The following MLLT1 variants were observed in gnomAD, a reference collection of about 807,000 sequenced individuals.
MLLT1 encodes the protein MLLT1 super elongation complex subunit.
In MLLT1, 11 loss-of-function variants were observed where a neutral mutation model predicts 55.1. The observed-to-expected ratio is 0.20, with a 90% CI of 0.13 to 0.33. The LOEUF (loss-of-function observed/expected upper bound fraction) is 0.33. Ranked by LOEUF, MLLT1 falls within the 10% of genes least tolerant of loss-of-function variation. MLLT1 has a pLI of 1.00. For synonymous variants in MLLT1, 323 were observed against 320.1 expected, an observed-to-expected ratio of 1.01 and a Z score of -0.10; for missense variants, 536 against 760.6, an observed-to-expected ratio of 0.70 and a Z score of 3.47.
At position 6,269,257 on chromosome 19, in the gene MLLT1, G is replaced by A. The variant is rs564275443; in HGVS notation, c.193+1322C>T. Among the ~76,000 whole-genome samples the A allele has an allele frequency of 5.9e-5, 9 of 152,364 alleles. No homozygotes were observed. The East Asian group carries it at 9.7e-4, about 16-fold the overall frequency. On this transcript the variant is annotated intron_variant, in intron 2 of 11. Coordinates refer to ENST00000252674, the MANE Select transcript of MLLT1 (RefSeq NM_005934.4). ...CCACCCTGCTCTAAGCACAGGTAGC[G>A]GCCTGCCCCCTGGACCCGTCTCCCC...
intron 7 of MLLT1, among the ~76,000 whole-genome samples, chr19:6,217,595 G>A (rs973474885): frequency 4.6e-5 from 7 of 152,248 alleles, no homozygotes; most frequent in African/African-American, 1.2e-4. Flanking sequence ...TGGCCCTGGG[G>A]AGCGGGTGGG....
rs867264888 is a variant in MLLT1 at position 6,222,188 on chromosome 19, C to T, written c.1043G>A (p.Arg348Gln). ...CACCTCCAGGGCCTTTTTGGCCTCCCGGGGCTCACTCTCGGCCTTCACCTT... is the reference window on the plus strand; with the variant it reads ...CACCTCCAGGGCCTTTTTGGCCTCCTGGGGCTCACTCTCGGCCTTCACCTT... ...GEKVKAESEP[R>Q]EAKKALEVEE... Residue 348 changes from arginine (R) to glutamine (Q), a missense_variant, in exon 6 of 12, where the codon CGG becomes CAG. By Grantham distance (43) the Arg-to-Gln change is conservative (BLOSUM62 1). Coordinates refer to ENST00000252674, the MANE Select transcript of MLLT1 (RefSeq NM_005934.4). The surrounding 1 kb of genome is among the most constrained non-coding windows in gnomAD (Gnocchi z 4.1). 27 of 1,597,668 alleles carry T rather than the reference C, an allele frequency of 1.7e-5. No individual in the cohort carries two copies. The highest frequency in any genetic ancestry group is 2.7e-5 in the African/African-American group (2 of 74,190).
chr19:6,243,222 T>C (rs1600195875), intron 3 of MLLT1, among the ~76,000 whole-genome samples: 1 of 151,766 alleles, frequency 6.6e-6, no homozygotes, highest in Non-Finnish European at 1.5e-5. Context: ...AGCAGGGCCA[T>C]GCATGTCAGT....
At chr19:6,228,496 G>C (rs2090974826) in intron 4 of MLLT1, among the ~76,000 whole-genome samples, 1 of 144,204 alleles carries the variant, frequency 6.9e-6, no homozygotes, top group South Asian at 2.1e-4. Flanking sequence ...TCAGCCATGG[G>C]GGCAGAGACA....
chr19:6,232,528 T>C (rs777043557), intron 3 of MLLT1, among the ~76,000 whole-genome samples: 1 of 152,228 alleles, frequency 6.6e-6, no homozygotes. Flanking sequence ...CATTAGGCAA[T>C]TGTTTCTTAT....
At position 6,213,013 on chromosome 19, in the gene MLLT1, G is replaced by C. The variant is rs1317832849; in HGVS notation, c.*29C>G. On this transcript the variant is annotated 3_prime_UTR_variant, in exon 12 of 12. Coordinates refer to ENST00000252674, the MANE Select transcript of MLLT1 (RefSeq NM_005934.4). ...CTGGCTGCAGCCTCCCAGGACCCCG[G>C]CGGTGGGGGCCCGGCACGCGGCCCA... is the stretch of plus-strand genomic sequence containing the variant. 1.9e-6 allele frequency: 3 copies of C among 1,610,182 alleles called. No individual in the cohort carries two copies. Among genetic ancestry groups the C allele is most frequent in the Non-Finnish European group, 1.7e-6 (2 of 1,177,920 alleles).
In MLLT1 at chr19:6,212,083, G is replaced by A. The variant is rs2090778744; in HGVS notation, c.*959C>T. ...GCTCATATTTTTTTCAAAGTTTGAA[G>A]ACTTGAATGAAAGAGAGGAAGAGGA... On this transcript the variant is annotated 3_prime_UTR_variant, in exon 12 of 12. Coordinates refer to ENST00000252674, the MANE Select transcript of MLLT1 (RefSeq NM_005934.4). The A allele has an allele frequency of 9.4e-7, 1 of 1,066,168 alleles. No homozygotes were observed. The allele number at this position is 1,066,168 out of a possible 1,614,324, so 66.0% of individuals were successfully genotyped here.
At chr19:6,233,739 C>T (rs2091034031) in intron 3 of MLLT1, among the ~76,000 whole-genome samples, 1 of 152,216 alleles carries the variant, frequency 6.6e-6, no homozygotes, top group South Asian at 2.1e-4. Context: ...AAGACCAGCC[C>T]CTACAGGAAG....
Position 6,264,481 on chromosome 19 carries a change from C to T in MLLT1, c.194-2171G>A, listed in dbSNP as rs115651598. On this transcript the variant is annotated intron_variant, in intron 2 of 11. Coordinates refer to ENST00000252674, the MANE Select transcript of MLLT1 (RefSeq NM_005934.4). The stretch of plus-strand genomic sequence containing the variant: ...GAGCTCCCACCAGGAGGAAAGAGCC[C>T]GAGCAAACAAATAATTTGGAGACCA... Among the ~76,000 whole-genome samples, 1,332 of 149,932 alleles carry T rather than the reference C, an allele frequency of 8.9e-3. 22 individuals carry two copies. The highest frequency in any genetic ancestry group is 0.031 in the African/African-American group (1,274 of 40,698).
At chr19:6,251,262 C>G (rs570542444) in intron 3 of MLLT1, among the ~76,000 whole-genome samples, 1 of 152,276 alleles carries the variant, frequency 6.6e-6, no homozygotes, top group South Asian at 2.1e-4. Context: ...AATTTCACCT[C>G]CATTCTTAAA....
intron 6 of MLLT1, among the ~76,000 whole-genome samples, chr19:6,218,972 G>A (rs1600172500): frequency 6.6e-6 from 1 of 152,144 alleles, no homozygotes; most frequent in Admixed American, 6.5e-5. Flanking sequence ...CCTCCATCAG[G>A]AGGAGGCAGC....
At position 6,256,521 on chromosome 19, in the gene MLLT1, G is replaced by A. The variant is rs1210203998; in HGVS notation, c.276+5707C>T. Among the ~76,000 whole-genome samples the A allele has an allele frequency of 1.3e-5, 2 of 152,054 alleles. No individual in the cohort carries two copies. The highest frequency in any genetic ancestry group is 2.9e-5 in the Non-Finnish European group (2 of 68,010). On this transcript the variant is annotated intron_variant, in intron 3 of 11. Coordinates refer to ENST00000252674, the MANE Select transcript of MLLT1 (RefSeq NM_005934.4). This position sits in a 1 kb window ranked among gnomAD's most constrained non-coding sequence, Gnocchi z 4.1. ...TGTAATCTCAGCACTTTGGGAGGCCGAGGTGGGTGGATCATGAGGTCAGGA... is the reference window on the plus strand; with the variant it reads ...TGTAATCTCAGCACTTTGGGAGGCCAAGGTGGGTGGATCATGAGGTCAGGA...
chr19:6,279,615 G>A, intron 1 of MLLT1, among the ~76,000 whole-genome samples, 158 bp downstream of exon 1: 1 of 150,802 alleles, frequency 6.6e-6, no homozygotes. Context: ...TGGGGGAGGG[G>A]CGCCCCCGCC....
intron 3 of MLLT1, among the ~76,000 whole-genome samples, chr19:6,249,446 T>C (rs2144915257): frequency 6.6e-6 from 1 of 152,312 alleles, no homozygotes; most frequent in East Asian, 1.9e-4. Context: ...CTCATCTGAC[T>C]GGGCCAAGTG....
chr19:6,218,838 T>A (rs759419278), intron 6 of MLLT1, among the ~76,000 whole-genome samples: 6 of 152,178 alleles, frequency 3.9e-5, no homozygotes, highest in Middle Eastern at 3.2e-3. Flanking sequence ...TTTCTGCCAA[T>A]GAGCTCATCC....
Position 6,227,128 on chromosome 19 carries a change from T to C in MLLT1, c.421-26A>G. 1.3e-6 allele frequency: 2 copies of C among 1,581,112 alleles called. No individual in the cohort carries two copies. Among genetic ancestry groups the C allele is most frequent in the South Asian group, 1.2e-5 (1 of 86,308 alleles). The stretch of plus-strand genomic sequence containing the variant: ...CTAGTGACAGAGAAGAGACAGTCAT[T>C]ATCGATGGGCAGGGGGCAGGGGGCC... On this transcript the variant is annotated intron_variant, in intron 4 of 11. Transcript: ENST00000252674. This position sits in a 1 kb window ranked among gnomAD's most constrained non-coding sequence, Gnocchi z 5.1.
chr19:6,224,654 G>C (rs984322472), intron 5 of MLLT1, among the ~76,000 whole-genome samples: 1 of 152,252 alleles, frequency 6.6e-6, no homozygotes, highest in African/African-American at 2.4e-5. Context: ...GCTAGAAGGA[G>C]TCTTCCCACA....
At position 6,229,811 on chromosome 19, in the gene MLLT1, C is replaced by T. The variant is rs376187243; in HGVS notation, c.420+759G>A. Among the ~76,000 whole-genome samples the T allele has an allele frequency of 1.3e-5, 2 of 151,794 alleles. No individual in the cohort carries two copies. The highest frequency in any genetic ancestry group is 2.4e-5 in the African/African-American group (1 of 41,306). ...CCACACATGCCACTCACACCATACA[C>T]GAGACACATGCCACACACAACACAC... On this transcript the variant is annotated intron_variant, in intron 4 of 11. Transcript: ENST00000252674. The surrounding 1 kb of genome is among the most constrained non-coding windows in gnomAD (Gnocchi z 5.2).
chr19:6,216,749 C>T, intron 7 of MLLT1: 1 of 545,840 alleles, frequency 1.8e-6, no homozygotes. Flanking sequence ...CCTGGCCCTG[C>T]TCGCAGGCCT....
Sources: gnomAD v4.1 joint callset for allele counts (sites outside exome capture counted in the v4.1 genomes callset) on GRCh38, gnomAD v4.1.1 for gene constraint, Gnocchi (gnomAD v3.1) non-coding constraint, MANE v1.5 for transcripts, NCBI Gene and HGNC (gene_info 2026-07-23, HGNC 2026-07-21) for gene names.